The following ACAD11 variants were observed in gnomAD, a reference collection of about 807,000 sequenced individuals.
ACAD11 encodes acyl-CoA dehydrogenase family member 11, also known as acyl-Coenzyme A dehydrogenase family, member 11.
A neutral mutation model predicts 102.2 loss-of-function variants in ACAD11; 83 were observed. The ratio of observed to expected loss-of-function variants is 0.81; its 90% CI spans 0.68 to 0.97. The LOEUF is 0.97. Ranked by LOEUF, ACAD11 falls within the 50% of genes least tolerant of loss-of-function variation. The probability of loss-of-function intolerance (pLI) is 0.00; values close to 1 mark genes in which losing one functional copy is unlikely to be tolerated. For missense variants in ACAD11, 901 were observed against 951.7 expected (o/e 0.95, Z 0.70); for synonymous variants, 324 against 319.8 (o/e 1.01, Z -0.14).
chr3:132,567,905 A>G (rs1937261132), intron 17 of ACAD11, among the ~76,000 whole-genome samples: 1 of 152,358 alleles, frequency 6.6e-6, no homozygotes, highest in African/African-American at 2.4e-5. Flanking sequence ...CATGTATATC[A>G]TAAAAGAATA....
chr3:132,621,153 A>G (rs959327944), intron 9 of ACAD11: 3 of 152,212 alleles, frequency 2.0e-5, no homozygotes, highest in African/African-American at 4.8e-5. Context: ...TTCGGAACTG[A>G]TAAGACAGCA....
chr3:132,605,408 T>C (rs1052724268), intron 11 of ACAD11, among the ~76,000 whole-genome samples: 1 of 152,250 alleles, frequency 6.6e-6, no homozygotes, highest in South Asian at 2.1e-4. Context: ...TGCATATTTA[T>C]TCAACTTGTT....
At position 132,642,734 on chromosome 3, in the gene ACAD11, C is replaced by T. The variant is rs115073034; in HGVS notation, c.318G>A (p.Leu106=). ...SIGFPVPKPI[L]YCSDTSVIGT... The stretch of plus-strand genomic sequence containing the variant: ...CAATGACAGAAGTATCACTGCAGTA[C>T]AGTATAGGCTTGGGAACGGGGAATC... Residue 106 remains leucine, a synonymous_variant, in exon 3 of 20, where the codon CTG becomes CTA. Transcript: ENST00000264990. 809 of 1,613,322 alleles carry T rather than the reference C, an allele frequency of 5.0e-4. 5 individuals are homozygous for T. In the African/African-American group the frequency reaches 9.8e-3, roughly 19 times the overall value.
chr3:132,569,318 A>C (rs1251433068), intron 17 of ACAD11, among the ~76,000 whole-genome samples: 1 of 152,168 alleles, frequency 6.6e-6, no homozygotes, highest in African/African-American at 2.4e-5. Flanking sequence ...CTAAAATTAA[A>C]AAGTAGTGAC....
chr3:132,574,965 G>A (rs1185269247), intron 17 of ACAD11, among the ~76,000 whole-genome samples: 3 of 152,102 alleles, frequency 2.0e-5, no homozygotes, highest in East Asian at 1.9e-4. Flanking sequence ...CTCCCCAGTA[G>A]CTGGGACTAC....
At chr3:132,659,213 C>T (rs1238000828) in intron 1 of ACAD11, among the ~76,000 whole-genome samples, 1 of 152,084 alleles carries the variant, frequency 6.6e-6, no homozygotes, top group East Asian at 1.9e-4. Context: ...CTCAGCCTCC[C>T]GGAATACGGC....
chr3:132,592,641 C>T (rs1301056288), intron 13 of ACAD11, among the ~76,000 whole-genome samples: 9 of 152,206 alleles, frequency 5.9e-5, no homozygotes, highest in Non-Finnish European at 8.8e-5. Context: ...TAAACAATTA[C>T]ATACTATGAA....
Position 132,655,318 on chromosome 3 carries a change from GTTGT to G in ACAD11, c.149+4281_149+4284del, listed in dbSNP as rs746103556. 1.1e-3 allele frequency among the ~76,000 whole-genome samples: 172 copies of G among 151,018 alleles called. 1 individual carries two copies. Among genetic ancestry groups the G allele is most frequent in the Admixed American group, 5.4e-3 (83 of 15,256 alleles). On this transcript the variant is annotated intron_variant, in intron 1 of 19. Transcript: ENST00000264990. ...CAGAGATTCTGTTTTTTTTGTTGTT[GTTGT>G]TTGTTTGTTTGTTTAAAGATTACTT... is the stretch of plus-strand genomic sequence containing the variant.
At chr3:132,613,203 A>G (rs1341449736) in intron 11 of ACAD11, among the ~76,000 whole-genome samples, 1 of 151,352 alleles carries the variant, frequency 6.6e-6, no homozygotes, top group African/African-American at 2.4e-5. Context: ...AGGAAGGGGA[A>G]CATCACACTC....
chr3:132,591,125 T>C (rs1390381890), intron 13 of ACAD11, among the ~76,000 whole-genome samples: 1 of 152,190 alleles, frequency 6.6e-6, no homozygotes, highest in Non-Finnish European at 1.5e-5. Flanking sequence ...TTCCAGGGTT[T>C]TTATAGTTTT....
At chr3:132,632,982 G>C (rs1010384489) in intron 5 of ACAD11, among the ~76,000 whole-genome samples, 1 of 152,144 alleles carries the variant, frequency 6.6e-6, no homozygotes, top group African/African-American at 2.4e-5. Context: ...GGGCTGAGAC[G>C]ACAGCGTTTT....
Position 132,644,893 on chromosome 3 carries a change from T to C in ACAD11, c.153A>G (p.Ala51=). 6.3e-7 allele frequency: 1 copy of C among 1,592,540 alleles called. No individual in the cohort carries two copies. The highest frequency in any genetic ancestry group is 8.6e-7 in the Non-Finnish European group (1 of 1,168,732). ...EATLTIAQYR[A]GKSNPTFYLQ... ...GATAAAAGGTTGGATTGGACTTTCC[T>C]GCTCTAGATAAAAGTAAAAAAAAAA... Residue 51 remains alanine, a synonymous_variant, in exon 2 of 20, where the codon GCA becomes GCG. Transcript: ENST00000264990.
At chr3:132,616,611 T>C (rs1398694289) in intron 11 of ACAD11, among the ~76,000 whole-genome samples, 28 of 152,312 alleles carry the variant, frequency 1.8e-4, no homozygotes, top group East Asian at 1.9e-4. Context: ...ATTCTGAACA[T>C]ATACATACAC....
At chr3:132,579,323 CA>C in intron 14 of ACAD11, 168 bp downstream of exon 14, 1 of 659,982 alleles carries the variant, frequency 1.5e-6, no homozygotes, top group South Asian at 2.2e-5. Flanking sequence ...TAATGTTTTC[CA>C]AAAACACCTG....
chr3:132,584,469 G>C (rs1013869937), intron 13 of ACAD11, among the ~76,000 whole-genome samples: 15 of 152,064 alleles, frequency 9.9e-5, no homozygotes, highest in African/African-American at 3.6e-4. Flanking sequence ...ACGTGAGATG[G>C]GTTTCCTGAA....
chr3:132,641,680 G>GGAGGAA (rs1559974009), intron 4 of ACAD11, among the ~76,000 whole-genome samples: 119 of 100,234 alleles, frequency 1.2e-3, no homozygotes, highest in African/African-American at 4.4e-3. Flanking sequence ...AAGAGGAAGA[G>GGAGGAA]GAAGAGGAAG....
intron 9 of ACAD11, 138 bp downstream of exon 9, chr3:132,626,553 A>T (rs1939821168): frequency 1.1e-6 from 1 of 925,886 alleles, no homozygotes. Context: ...ATCGTGGCTT[A>T]GTTCTAAGGT....
At chr3:132,569,390 C>A (rs1459041762) in intron 17 of ACAD11, among the ~76,000 whole-genome samples, 2 of 151,934 alleles carry the variant, frequency 1.3e-5, no homozygotes, top group African/African-American at 4.8e-5. Context: ...TAGTGAGAAT[C>A]AAAAATAGAA....
intron 11 of ACAD11, among the ~76,000 whole-genome samples, chr3:132,606,217 G>A (rs1938830681): frequency 6.6e-6 from 1 of 152,196 alleles, no homozygotes; most frequent in South Asian, 2.1e-4. Flanking sequence ...AGTTGTGTAA[G>A]TTAAACTTCT....
Sources: allele counts gnomAD v4.1 joint callset (sites outside exome capture counted in the v4.1 genomes callset), GRCh38; gene constraint gnomAD v4.1.1; transcripts MANE v1.5; gene names NCBI Gene and HGNC (gene_info 2026-07-23, HGNC 2026-07-21).